The following PDE4B variants were observed in gnomAD, a reference collection of about 807,000 sequenced individuals.
The protein encoded by PDE4B is phosphodiesterase 4B, also known as 3',5'-cyclic-AMP phosphodiesterase 4B.
PDE4B carries 20 observed loss-of-function variants against 82.2 expected under a neutral mutation model. The ratio of observed to expected loss-of-function variants is 0.24; its 90% confidence interval spans 0.17 to 0.35. PDE4B has a LOEUF of 0.35. Ranked by LOEUF, PDE4B falls within the 10% of genes least tolerant of loss-of-function variation. The pLI is 1.00. For missense variants in PDE4B, 655 were observed against 907.2 expected, an observed-to-expected ratio of 0.72 and a Z score of 3.57; for synonymous variants, 320 against 318.9, an observed-to-expected ratio of 1.00 and a Z score of -0.04.
At chr1:65,831,818 C>G (rs1257593596) in intron 1 of PDE4B, among the ~76,000 whole-genome samples, 1 of 152,156 alleles carries the variant, frequency 6.6e-6, no homozygotes, top group Non-Finnish European at 1.5e-5. Context: ...ACTCACCCCA[C>G]TGATGAATAT....
At chr1:66,117,575 G>A (rs777807601) in intron 3 of PDE4B, among the ~76,000 whole-genome samples, 5 of 151,994 alleles carry the variant, frequency 3.3e-5, no homozygotes, top group Non-Finnish European at 7.4e-5. Flanking sequence ...AGTTTCCAGG[G>A]CCACAGTTAT....
chr1:66,366,142 C>T (rs1663230886), intron 13 of PDE4B, among the ~76,000 whole-genome samples: 1 of 152,086 alleles, frequency 6.6e-6, no homozygotes, highest in South Asian at 2.1e-4. Context: ...TCACTACTGT[C>T]CCTATCTGCT....
At chr1:65,922,470 A>T (rs17451451) in intron 3 of PDE4B, among the ~76,000 whole-genome samples, 1 of 152,112 alleles carries the variant, frequency 6.6e-6, no homozygotes, top group Admixed American at 6.6e-5. Flanking sequence ...TGAAAGCAAG[A>T]TGTTATCTTT....
At chr1:66,192,729 T>C (rs1647934075) in intron 3 of PDE4B, among the ~76,000 whole-genome samples, 1 of 152,118 alleles carries the variant, frequency 6.6e-6, no homozygotes, top group South Asian at 2.1e-4. Flanking sequence ...TTATGCCAAA[T>C]ACAAAGGCTG....
intron 3 of PDE4B, among the ~76,000 whole-genome samples, chr1:66,220,583 T>G (rs1650900145): frequency 6.6e-6 from 1 of 152,196 alleles, no homozygotes; most frequent in South Asian, 2.1e-4. Context: ...CCTCCCTTTT[T>G]AAGTCATTGC....
intron 7 of PDE4B, among the ~76,000 whole-genome samples, chr1:66,331,548 A>G (rs1206835506): frequency 1.4e-4 from 22 of 152,250 alleles, no homozygotes; most frequent in Admixed American, 1.4e-3. Context: ...CTAGCAAAAA[A>G]ATGTGATTTT....
rs145452983 is a variant in PDE4B, at chr1:65,819,645, G to T, written c.-71+26397G>T. 3.4e-3 allele frequency among the ~76,000 whole-genome samples: 516 copies of T among 151,976 alleles called. 3 individuals carry two copies. The highest frequency in any genetic ancestry group is 0.012 in the African/African-American group (496 of 41,472). On this transcript the variant is annotated intron_variant, in intron 1 of 16. Coordinates refer to ENST00000341517, the MANE Select transcript of PDE4B (RefSeq NM_002600.4). ...GCCTTGAGTAGCTGGGACTATAGGC[G>T]CCCGCCACCGCGGCGGGCTATTTTT...
rs369200385 is a variant in PDE4B at position 65,886,748 on chromosome 1, C to T, written c.-70-26497C>T. ...TGGCTCAGTAGTATTCTATCATGTA[C>T]GTATACCACATTTTCTCAATCCATT... On this transcript the variant is annotated intron_variant, in intron 1 of 16. Coordinates refer to ENST00000341517, the MANE Select transcript of PDE4B (RefSeq NM_002600.4). Among the ~76,000 whole-genome samples the T allele has an allele frequency of 1.5e-3, 231 of 152,178 alleles. 2 individuals carry two copies. Among genetic ancestry groups the T allele is most frequent in the African/African-American group, 5.0e-3 (208 of 41,534 alleles).
chr1:65,882,749 T>G (rs1451600735), intron 1 of PDE4B, among the ~76,000 whole-genome samples: 2 of 152,048 alleles, frequency 1.3e-5, no homozygotes, highest in East Asian at 3.9e-4. Context: ...GCTTAATGTT[T>G]TACATGTTTT....
intron 3 of PDE4B, among the ~76,000 whole-genome samples, chr1:66,174,758 A>G (rs201827294): frequency 1.5e-4 from 5 of 33,040 alleles, no homozygotes; most frequent in Non-Finnish European, 2.7e-4. Context: ...AAAAAAAGCA[A>G]CAACAACAAC....
At chr1:66,128,453 G>C (rs2101100928) in intron 3 of PDE4B, among the ~76,000 whole-genome samples, 1 of 152,298 alleles carries the variant, frequency 6.6e-6, no homozygotes, top group South Asian at 2.1e-4. Flanking sequence ...ATTTTCCTCT[G>C]ACCATTAGGT....
intron 1 of PDE4B, among the ~76,000 whole-genome samples, chr1:65,830,816 G>C (rs1352921281): frequency 6.6e-6 from 1 of 152,088 alleles, no homozygotes; most frequent in Non-Finnish European, 1.5e-5. Flanking sequence ...TTAGTTAATA[G>C]TAATGTATGA....
In PDE4B at chr1:66,010,322, A is replaced by T. The variant is rs192420190; in HGVS notation, c.281+91487A>T. On this transcript the variant is annotated intron_variant, in intron 3 of 16. Coordinates refer to ENST00000341517, the MANE Select transcript of PDE4B (RefSeq NM_002600.4). ...AATTTTAAAATTTAAAAAATATTAT[A>T]TAAAATTTAATAAGAGATTATTTTC... 4.7e-4 allele frequency among the ~76,000 whole-genome samples: 72 copies of T among 151,698 alleles called. 1 individual carries two copies. Among genetic ancestry groups the T allele is most frequent in the African/African-American group, 1.4e-3 (58 of 41,526 alleles).
intron 8 of PDE4B, among the ~76,000 whole-genome samples, chr1:66,348,840 TATAA>T (rs1661607351): frequency 6.6e-6 from 1 of 151,984 alleles, no homozygotes. Flanking sequence ...AGTCTTTAGG[TATAA>T]ATAGTTACAG....
chr1:66,338,757 G>A (rs1428288720), intron 8 of PDE4B, among the ~76,000 whole-genome samples: 4 of 152,102 alleles, frequency 2.6e-5, no homozygotes, highest in Non-Finnish European at 5.9e-5. Flanking sequence ...GGTGGCTCAC[G>A]CCTGTAATCC....
At chr1:66,359,578 T>C (rs1202213228) in intron 9 of PDE4B, among the ~76,000 whole-genome samples, 1 of 152,230 alleles carries the variant, frequency 6.6e-6, no homozygotes, top group Non-Finnish European at 1.5e-5. Context: ...CCAGACACAG[T>C]AGTGGTTCAG....
intron 3 of PDE4B, among the ~76,000 whole-genome samples, chr1:66,143,834 G>T (rs999564928): frequency 4.6e-5 from 7 of 152,190 alleles, no homozygotes; most frequent in Admixed American, 4.6e-4. Flanking sequence ...TCGATTTGTA[G>T]GAATGGGCAG....
At chr1:65,869,795 GTTTT>G (rs11320288) in intron 1 of PDE4B, among the ~76,000 whole-genome samples, 27 of 144,782 alleles carry the variant, frequency 1.9e-4, no homozygotes, top group African/African-American at 5.8e-4. Context: ...GCTATACCAT[GTTTT>G]TTTTTTTTTT....
intron 7 of PDE4B, among the ~76,000 whole-genome samples, chr1:66,312,099 C>T (rs1343830159): frequency 2.6e-5 from 4 of 152,194 alleles, no homozygotes; most frequent in Non-Finnish European, 5.9e-5. Flanking sequence ...TAAACACTCC[C>T]TGAAAGCATT....
Sources: allele counts gnomAD v4.1 joint callset (sites outside exome capture counted in the v4.1 genomes callset), GRCh38; gene constraint gnomAD v4.1.1; transcripts MANE v1.5; gene names NCBI Gene and HGNC (gene_info 2026-07-23, HGNC 2026-07-21).